The following CDH13 variants were observed in gnomAD, a reference collection of about 807,000 sequenced individuals.
CDH13 encodes the protein cadherin-13.
A neutral mutation model predicts 63.8 loss-of-function variants in CDH13; 24 were observed. The observed-to-expected ratio is 0.38, with a 90% confidence interval of 0.27 to 0.53. CDH13 has a LOEUF of 0.53. CDH13 is among the 20% of genes least tolerant of loss of function. The pLI, the probability that CDH13 is intolerant of heterozygous loss-of-function variation, is 0.85. For missense variants in CDH13, 1,049 were observed against 903.1 expected (o/e 1.16, Z -2.07); for synonymous variants, 503 against 355.3 (o/e 1.42, Z -4.67).
chr16:83,072,963 G>A (rs1051837487), intron 3 of CDH13, among the ~76,000 whole-genome samples: 4 of 152,172 alleles, frequency 2.6e-5, no homozygotes, highest in Non-Finnish European at 5.9e-5. Flanking sequence ...AGATGATGTG[G>A]CCTTTCAGAG....
At chr16:82,630,912 C>T (rs1412841401) in intron 1 of CDH13, among the ~76,000 whole-genome samples, 1 of 152,188 alleles carries the variant, frequency 6.6e-6, no homozygotes, top group Non-Finnish European at 1.5e-5. Context: ...GGGCTCCATC[C>T]ACAGCATTAC....
At chr16:82,730,212 C>G (rs1471802586) in intron 1 of CDH13, among the ~76,000 whole-genome samples, 1 of 152,184 alleles carries the variant, frequency 6.6e-6, no homozygotes, top group Non-Finnish European at 1.5e-5. Context: ...GTTGATTGGC[C>G]TAAGAGGCCT....
chr16:83,424,882 C>G (rs768508422), intron 6 of CDH13, among the ~76,000 whole-genome samples: 3 of 152,164 alleles, frequency 2.0e-5, no homozygotes, highest in Non-Finnish European at 2.9e-5. Context: ...TACACTCACA[C>G]AGACAAAGAT....
intron 1 of CDH13, among the ~76,000 whole-genome samples, chr16:82,649,874 A>G (rs1039232088): frequency 1.3e-5 from 2 of 152,178 alleles, no homozygotes; most frequent in Admixed American, 1.3e-4. Flanking sequence ...ATGGGAAAAG[A>G]GTAATAAGCT....
At chr16:83,044,903 G>C (rs940443154) in intron 3 of CDH13, among the ~76,000 whole-genome samples, 1 of 152,130 alleles carries the variant, frequency 6.6e-6, no homozygotes, top group South Asian at 2.1e-4. Flanking sequence ...CTAGTATATA[G>C]GATAGAACAA....
At position 83,486,633 on chromosome 16, in the gene CDH13, C is replaced by T. The variant is rs551989203; in HGVS notation, c.938C>T (p.Ser313Leu). Residue 313 changes from serine to leucine, a missense_variant, in exon 7 of 14, where the codon TCA becomes TTA. By Grantham distance (145) the Ser-to-Leu change is moderately radical. Coordinates refer to ENST00000567109, the MANE Select transcript of CDH13 (RefSeq NM_001257.5). ...AAAGGAGACATTGTCACTGTTGTGT[C>T]ACCTGCGCTGCTGGACCGAGAGGTG... The part of the protein sequence containing the change: ...PEKGDIVTVV[S>L]PALLDRETLE... 1 of 1,613,864 alleles carries T rather than the reference C, an allele frequency of 6.2e-7. No individual in the cohort carries two copies. Among genetic ancestry groups the T allele is most frequent in the African/African-American group, 1.3e-5 (1 of 75,040 alleles).
intron 2 of CDH13, among the ~76,000 whole-genome samples, chr16:82,964,399 C>T (rs953384155): frequency 5.9e-5 from 9 of 152,192 alleles, no homozygotes; most frequent in African/African-American, 2.2e-4. Context: ...GTTGGGGATT[C>T]TGTGACAGCA....
intron 13 of CDH13, among the ~76,000 whole-genome samples, 197 bp from the exon 14 acceptor site, chr16:83,794,826 A>G (rs1455129590): frequency 1.3e-5 from 2 of 152,112 alleles, no homozygotes; most frequent in Non-Finnish European, 2.9e-5. Context: ...ATTTTCAGAG[A>G]AGTCCAGCTT....
At chr16:82,981,022 C>A (rs1202821354) in intron 2 of CDH13, among the ~76,000 whole-genome samples, 1 of 152,134 alleles carries the variant, frequency 6.6e-6, no homozygotes, top group Admixed American at 6.5e-5. Flanking sequence ...ACAAAGGGAG[C>A]TCAGGTGCAT....
At chr16:83,522,714 G>A (rs145016602) in intron 7 of CDH13, among the ~76,000 whole-genome samples, 1 of 152,216 alleles carries the variant, frequency 6.6e-6, no homozygotes, top group South Asian at 2.1e-4. Context: ...GCCCTGTCGG[G>A]GTCTGGCCAT....
chr16:83,194,865 A>G (rs1473667286), intron 4 of CDH13, among the ~76,000 whole-genome samples: 1 of 152,180 alleles, frequency 6.6e-6, no homozygotes, highest in African/African-American at 2.4e-5. Context: ...AGGTGGCTTC[A>G]TTATGCTTCA....
chr16:82,736,371 C>G (rs115706038), intron 1 of CDH13, among the ~76,000 whole-genome samples: 2,353 of 152,278 alleles, frequency 0.015, 55 homozygotes, highest in African/African-American at 0.054. Flanking sequence ...TAAAGGTTGA[C>G]ACGGTGCCAC....
At chr16:83,042,085 C>T (rs1288548348) in intron 3 of CDH13, among the ~76,000 whole-genome samples, 1 of 152,168 alleles carries the variant, frequency 6.6e-6, no homozygotes, top group Non-Finnish European at 1.5e-5. Flanking sequence ...TTGTTTTGGC[C>T]ATGATGCCAT....
intron 1 of CDH13, among the ~76,000 whole-genome samples, chr16:82,679,774 G>A (rs1464699472): frequency 6.6e-6 from 1 of 152,202 alleles, no homozygotes; most frequent in South Asian, 2.1e-4. Flanking sequence ...TGTTACCTGT[G>A]TAACTGAACA....
chr16:82,631,591 C>T (rs1203627956), intron 1 of CDH13, among the ~76,000 whole-genome samples: 1 of 152,196 alleles, frequency 6.6e-6, no homozygotes, highest in Non-Finnish European at 1.5e-5. Context: ...TATAATTCCC[C>T]ACAGCCCGCT....
intron 1 of CDH13, among the ~76,000 whole-genome samples, chr16:82,649,865 T>G (rs1910522142): frequency 6.6e-6 from 1 of 152,134 alleles, no homozygotes; most frequent in Non-Finnish European, 1.5e-5. Flanking sequence ...ATCTGTTGAA[T>G]GGGAAAAGAG....
intron 7 of CDH13, among the ~76,000 whole-genome samples, chr16:83,591,373 C>G (rs932968715): frequency 6.6e-6 from 1 of 152,222 alleles, no homozygotes; most frequent in South Asian, 2.1e-4. Flanking sequence ...TTCAGTGTTA[C>G]AATCTGTACT....
intron 7 of CDH13, among the ~76,000 whole-genome samples, chr16:83,534,590 C>T (rs2075148111): frequency 1.3e-5 from 2 of 152,214 alleles, no homozygotes; most frequent in South Asian, 4.1e-4. Flanking sequence ...TGGCCCCTGT[C>T]ACTTAGCACA....
intron 2 of CDH13, among the ~76,000 whole-genome samples, chr16:82,994,279 C>A (rs1434264217): frequency 3.9e-5 from 6 of 152,184 alleles, no homozygotes; most frequent in Non-Finnish European, 8.8e-5. Flanking sequence ...TAGAGACCCA[C>A]GTCTCTAACT....
Sources: allele counts gnomAD v4.1 joint callset (sites outside exome capture counted in the v4.1 genomes callset), GRCh38; gene constraint gnomAD v4.1.1; transcripts MANE v1.5; gene names NCBI Gene and HGNC (gene_info 2026-07-23, HGNC 2026-07-21).